Variants in DCC observed in about 807,000 individuals in gnomAD.
DCC encodes netrin receptor DCC.
Under a neutral mutation model 172.5 loss-of-function variants are expected in DCC, and 58 were observed. That is an observed-to-expected ratio of 0.34 (90% CI 0.27 to 0.42). The LOEUF is 0.42. DCC is among the 10% of genes least tolerant of loss of function. The pLI is 1.00. For synonymous variants in DCC, 709 were observed against 644.5 expected (o/e 1.10, Z -1.52); for missense variants, 1,740 against 1,791.0 (o/e 0.97, Z 0.51).
intron 1 of DCC, among the ~76,000 whole-genome samples, chr18:52,569,366 CAG>C (rs1227784809): frequency 2.6e-5 from 4 of 152,200 alleles, no homozygotes; most frequent in Non-Finnish European, 4.4e-5. Context: ...ATCAACCTCA[CAG>C]AGTTAACAGT....
At chr18:53,483,397 C>T (rs143707830) in intron 25 of DCC, among the ~76,000 whole-genome samples, 1 of 151,938 alleles carries the variant, frequency 6.6e-6, no homozygotes, top group Non-Finnish European at 1.5e-5. Context: ...TTTTGTTACA[C>T]ATTAAATACC....
chr18:53,173,463 C>G (rs1409120341), intron 8 of DCC, among the ~76,000 whole-genome samples: 1 of 152,034 alleles, frequency 6.6e-6, no homozygotes, highest in Non-Finnish European at 1.5e-5. Context: ...GCTACCATCA[C>G]CACCATCTGT....
At chr18:52,515,449 T>A (rs1399027404) in intron 1 of DCC, among the ~76,000 whole-genome samples, 1 of 149,744 alleles carries the variant, frequency 6.7e-6, no homozygotes, top group Non-Finnish European at 1.5e-5. Flanking sequence ...CTACTAAAAA[T>A]ACAAAAAATT....
At chr18:53,380,236 T>G (rs1160786358) in intron 15 of DCC, among the ~76,000 whole-genome samples, 1 of 152,192 alleles carries the variant, frequency 6.6e-6, no homozygotes, top group Non-Finnish European at 1.5e-5. Context: ...GCTCTGAGCA[T>G]GTGCAGGAAA....
chr18:52,357,333 T>A (rs924926219), intron 1 of DCC, among the ~76,000 whole-genome samples: 1 of 151,858 alleles, frequency 6.6e-6, no homozygotes, highest in Non-Finnish European at 1.5e-5. Context: ...AAGAAATTCT[T>A]TAAAAAAGTG....
intron 1 of DCC, among the ~76,000 whole-genome samples, chr18:52,644,510 C>T (rs938279627): frequency 4.8e-5 from 7 of 146,470 alleles, no homozygotes; most frequent in South Asian, 2.2e-4. Flanking sequence ...ACCTGGGAGG[C>T]GGAGCTTGCG....
chr18:52,796,061 C>CTTTTT (rs10634818), intron 2 of DCC, among the ~76,000 whole-genome samples: 20 of 143,084 alleles, frequency 1.4e-4, no homozygotes, highest in African/African-American at 4.8e-4. Flanking sequence ...GGTACAGTTA[C>CTTTTT]TTTTTTTTTT....
chr18:53,523,397 A>G (rs2046421782), intron 27 of DCC, among the ~76,000 whole-genome samples: 1 of 152,226 alleles, frequency 6.6e-6, no homozygotes, highest in South Asian at 2.1e-4. Flanking sequence ...CATTTGACCC[A>G]GCAATCCTAT....
At chr18:52,505,107 G>C (rs2031181683) in intron 1 of DCC, among the ~76,000 whole-genome samples, 1 of 152,162 alleles carries the variant, frequency 6.6e-6, no homozygotes, top group Non-Finnish European at 1.5e-5. Flanking sequence ...GGAAAGATCA[G>C]AGAACGTATC....
At chr18:53,226,054 T>C (rs1380529689) in intron 12 of DCC, among the ~76,000 whole-genome samples, 1 of 152,086 alleles carries the variant, frequency 6.6e-6, no homozygotes, top group South Asian at 2.1e-4. Context: ...GAGAGAACAC[T>C]GAGGCTTAGA....
chr18:53,100,025 C>T (rs927175399), intron 7 of DCC, among the ~76,000 whole-genome samples: 1 of 147,840 alleles, frequency 6.8e-6, no homozygotes, highest in East Asian at 2.0e-4. Flanking sequence ...TAGCTCACTG[C>T]AACCTCCACC....
chr18:52,642,716 T>A (rs1045692784), intron 1 of DCC, among the ~76,000 whole-genome samples: 1 of 152,196 alleles, frequency 6.6e-6, no homozygotes, highest in Non-Finnish European at 1.5e-5. Flanking sequence ...CAGGCTGGAG[T>A]GCAATGGCAC....
intron 2 of DCC, among the ~76,000 whole-genome samples, chr18:52,768,691 T>A (rs114124864): frequency 5.2e-4 from 79 of 152,322 alleles, no homozygotes; most frequent in African/African-American, 1.9e-3. Context: ...CTTCTTTGCA[T>A]GTGTTTGTGT....
chr18:53,281,078 C>A (rs2144728050), intron 12 of DCC, among the ~76,000 whole-genome samples: 1 of 152,142 alleles, frequency 6.6e-6, no homozygotes, highest in South Asian at 2.1e-4. Flanking sequence ...GGAAGATGCT[C>A]AGAATCTTGA....
chr18:52,853,399 T>C (rs1248453722), intron 2 of DCC, among the ~76,000 whole-genome samples: 5 of 152,220 alleles, frequency 3.3e-5, no homozygotes, highest in African/African-American at 1.2e-4. Context: ...TACATGTTTG[T>C]TACAATACAG....
intron 2 of DCC, among the ~76,000 whole-genome samples, chr18:52,874,531 T>C (rs758296216): frequency 1.3e-5 from 2 of 152,204 alleles, no homozygotes; most frequent in African/African-American, 2.4e-5. Flanking sequence ...TGAATATCCT[T>C]TGACCAAAAG....
At chr18:52,934,047 G>T (rs1334520591) in intron 5 of DCC, among the ~76,000 whole-genome samples, 2 of 151,998 alleles carry the variant, frequency 1.3e-5, no homozygotes, top group African/African-American at 4.8e-5. Context: ...GATTAAGCTA[G>T]CTAAACAAAC....
At chr18:53,097,094 CA>C (rs1033500507) in intron 7 of DCC, among the ~76,000 whole-genome samples, 1 of 152,120 alleles carries the variant, frequency 6.6e-6, no homozygotes, top group Non-Finnish European at 1.5e-5. Context: ...CCTAGTGAGA[CA>C]AAAAGTTGTA....
chr18:53,291,584 A>G (rs1009016862), intron 12 of DCC, among the ~76,000 whole-genome samples: 3 of 152,026 alleles, frequency 2.0e-5, no homozygotes, highest in South Asian at 2.1e-4. Context: ...TACTGGCCCT[A>G]TTTTCTTGTG....
Sources: gnomAD v4.1 joint callset for allele counts (sites outside exome capture counted in the v4.1 genomes callset) on GRCh38, gnomAD v4.1.1 for gene constraint, MANE v1.5 for transcripts, NCBI Gene and HGNC (gene_info 2026-07-23, HGNC 2026-07-21) for gene names.